NOS1AP: variants seen among roughly 807,000 people sequenced by gnomAD.
NOS1AP encodes carboxyl-terminal PDZ ligand of neuronal nitric oxide synthase protein.
A neutral mutation model predicts 56.2 loss-of-function variants in NOS1AP; 21 were observed. That is an observed-to-expected ratio of 0.37 (90% confidence interval 0.26 to 0.54). NOS1AP has a LOEUF of 0.54. NOS1AP is among the 20% of genes least tolerant of loss of function. The pLI, the probability that NOS1AP is intolerant of heterozygous loss-of-function variation, is 0.84. For synonymous variants in NOS1AP, 270 were observed against 274.6 expected (o/e 0.98, Z 0.17); for missense variants, 522 against 657.8 (o/e 0.79, Z 2.26).
chr1:162,202,057 A>G (rs1480920543), intron 2 of NOS1AP, among the ~76,000 whole-genome samples: 2 of 152,176 alleles, frequency 1.3e-5, no homozygotes, highest in African/African-American at 4.8e-5. Flanking sequence ...TCAGGTTTTG[A>G]CAGGGTTTTA....
chr1:162,312,466 G>A (rs1298370045), intron 4 of NOS1AP, among the ~76,000 whole-genome samples: 1 of 121,946 alleles, frequency 8.2e-6, no homozygotes, highest in African/African-American at 3.1e-5. Context: ...TGAGTTCTTT[G>A]TAGATTCTGG....
At chr1:162,209,059 T>C (rs1250362218) in intron 2 of NOS1AP, among the ~76,000 whole-genome samples, 2 of 152,250 alleles carry the variant, frequency 1.3e-5, no homozygotes, top group Non-Finnish European at 2.9e-5. Context: ...CAACCCTTTT[T>C]CAGATTACTC....
rs1009160940 is a variant in NOS1AP, at chr1:162,070,116, G to A, written c.-62G>A. ...CCCAGCTCCAGTCTCCCCTCCCCGG[G>A]GTCTCGCCAGCCCCTTCCTGCAGCC... On this transcript the variant is annotated 5_prime_UTR_variant, in exon 1 of 10. Transcript: ENST00000361897. The A allele has an allele frequency of 1.5e-6, 2 of 1,346,220 alleles. No individual in the cohort carries two copies. The highest frequency in any genetic ancestry group is 2.1e-6 in the Non-Finnish European group (2 of 939,440). 83.4% of individuals were successfully genotyped at this position (1,346,220 alleles called of 1,614,324 possible).
chr1:162,258,344 A>G (rs1261145999), intron 2 of NOS1AP, among the ~76,000 whole-genome samples: 1 of 152,226 alleles, frequency 6.6e-6, no homozygotes, highest in Non-Finnish European at 1.5e-5. Context: ...TTACCCCTGT[A>G]TCTCACACCA....
Position 162,367,543 on chromosome 1 carries a change from C to T in NOS1AP, c.*76C>T. 2.8e-6 allele frequency: 4 copies of T among 1,452,430 alleles called. No homozygotes were observed. The highest frequency in any genetic ancestry group is 3.7e-6 in the Non-Finnish European group (4 of 1,088,588). 90.0% of individuals were successfully genotyped at this position (1,452,430 alleles called of 1,614,324 possible). On this transcript the variant is annotated 3_prime_UTR_variant, in exon 10 of 10. Coordinates refer to ENST00000361897, the MANE Select transcript of NOS1AP (RefSeq NM_014697.3). This position sits in a 1 kb window ranked among gnomAD's most constrained non-coding sequence, Gnocchi z 6.5. ...CTGGCTGCTGCCCGGGTAGGGGATG[C>T]CCAGTGAATGTGCACTGCCGAGGAG...
At chr1:162,138,835 G>A (rs1464355694) in intron 1 of NOS1AP, among the ~76,000 whole-genome samples, 2 of 152,138 alleles carry the variant, frequency 1.3e-5, no homozygotes, top group Admixed American at 6.5e-5. Flanking sequence ...TCGAGGAAGG[G>A]GAAGGGACAC....
At chr1:162,353,504 C>T (rs1657591878) in intron 6 of NOS1AP, among the ~76,000 whole-genome samples, 1 of 152,222 alleles carries the variant, frequency 6.6e-6, no homozygotes. Flanking sequence ...AAGCAGCCTT[C>T]TCCTGCAGCC....
intron 1 of NOS1AP, among the ~76,000 whole-genome samples, chr1:162,070,743 C>A (rs1012960398): frequency 1.3e-5 from 2 of 151,844 alleles, no homozygotes; most frequent in Admixed American, 6.6e-5. Flanking sequence ...AGAAAAGAAT[C>A]CAGATTTTTT....
At chr1:162,313,267 T>A (rs1656108480) in intron 4 of NOS1AP, among the ~76,000 whole-genome samples, 1 of 152,184 alleles carries the variant, frequency 6.6e-6, no homozygotes, top group African/African-American at 2.4e-5. Context: ...GAGGCATAAG[T>A]TTTAAAATGA....
chr1:162,232,437 A>G (rs1011004102), intron 2 of NOS1AP, among the ~76,000 whole-genome samples: 2 of 152,204 alleles, frequency 1.3e-5, no homozygotes, highest in Non-Finnish European at 2.9e-5. Flanking sequence ...ACTTTTATGT[A>G]GAACATTTTA....
intron 2 of NOS1AP, among the ~76,000 whole-genome samples, chr1:162,221,534 G>GCACATA (rs1553196646): frequency 1.4e-5 from 1 of 73,396 alleles, no homozygotes; most frequent in Admixed American, 1.5e-4. Flanking sequence ...ACACACGCGC[G>GCACATA]CACACACACA....
intron 6 of NOS1AP, among the ~76,000 whole-genome samples, chr1:162,347,360 A>G (rs1158860422): frequency 6.6e-6 from 1 of 152,214 alleles, no homozygotes; most frequent in Non-Finnish European, 1.5e-5. Context: ...AGTAAAGGAT[A>G]TTTTCTCTGG....
chr1:162,112,887 T>C (rs757965813), intron 1 of NOS1AP, among the ~76,000 whole-genome samples: 7 of 152,216 alleles, frequency 4.6e-5, no homozygotes, highest in Non-Finnish European at 7.3e-5. Flanking sequence ...TTATGTTCTT[T>C]ATAACAACTT....
chr1:162,356,343 T>C (rs1013164816), intron 7 of NOS1AP, among the ~76,000 whole-genome samples: 33 of 152,204 alleles, frequency 2.2e-4, no homozygotes, highest in Non-Finnish European at 2.5e-4. Flanking sequence ...CACAGGAACT[T>C]CTTTCATCTA....
chr1:162,238,938 T>G (rs183638340), intron 2 of NOS1AP, among the ~76,000 whole-genome samples: 89 of 152,326 alleles, frequency 5.8e-4, no homozygotes, highest in South Asian at 1.7e-3. Flanking sequence ...AGAGTCAATA[T>G]ATTGTGTTAT....
chr1:162,105,616 C>A (rs779003216), intron 1 of NOS1AP, among the ~76,000 whole-genome samples: 22 of 152,130 alleles, frequency 1.4e-4, no homozygotes, highest in Non-Finnish European at 2.4e-4. Context: ...TGGCTGAAGC[C>A]CCCACAAGGA....
intron 2 of NOS1AP, among the ~76,000 whole-genome samples, chr1:162,199,477 T>A (rs1016158234): frequency 6.6e-6 from 1 of 152,132 alleles, no homozygotes; most frequent in Non-Finnish European, 1.5e-5. Flanking sequence ...TTCTGAGGGA[T>A]GTAGAGGTAT....
chr1:162,209,151 G>A (rs1652259808), intron 2 of NOS1AP, among the ~76,000 whole-genome samples: 1 of 152,132 alleles, frequency 6.6e-6, no homozygotes, highest in Admixed American at 6.5e-5. Flanking sequence ...TAAACCCCAT[G>A]GGGCCTCTGT....
In NOS1AP at chr1:162,301,479, T is replaced by C. The variant is rs376792356; in HGVS notation, c.344+773T>C. On this transcript the variant is annotated intron_variant, in intron 4 of 9. Coordinates refer to ENST00000361897, the MANE Select transcript of NOS1AP (RefSeq NM_014697.3). ...AAACTATTATTTATAAGCCAGCCAG[T>C]TTCTGGTATTTTATTATAGCAGACC... 6.6e-5 allele frequency among the ~76,000 whole-genome samples: 10 copies of C among 152,186 alleles called. No individual in the cohort carries two copies. In the East Asian group the frequency reaches 1.5e-3, roughly 23 times the overall value.
Sources: allele counts gnomAD v4.1 joint callset (sites outside exome capture counted in the v4.1 genomes callset), GRCh38; gene constraint gnomAD v4.1.1; non-coding constraint Gnocchi (gnomAD v3.1); transcripts MANE v1.5; gene names NCBI Gene and HGNC (gene_info 2026-07-23, HGNC 2026-07-21).